The following DPY19L3 variants were observed in gnomAD, a reference collection of about 807,000 sequenced individuals.
DPY19L3 encodes the protein dpy-19 like C-mannosyltransferase 3.
In DPY19L3, 51 loss-of-function variants were observed where a neutral mutation model predicts 92.3. The observed-to-expected ratio is 0.55, with a 90% CI of 0.44 to 0.70. The LOEUF is 0.70. DPY19L3 is among the 30% of genes least tolerant of loss of function. The pLI, the probability that DPY19L3 is intolerant of heterozygous loss-of-function variation, is 0.00. For missense variants in DPY19L3, 706 were observed against 855.9 expected, an observed-to-expected ratio of 0.82 and a Z score of 2.18; for synonymous variants, 309 against 315.2, an observed-to-expected ratio of 0.98 and a Z score of 0.21.
intron 17 of DPY19L3, among the ~76,000 whole-genome samples, chr19:32,479,860 A>G (rs1449995351): frequency 1.3e-5 from 2 of 152,116 alleles, no homozygotes; most frequent in African/African-American, 2.4e-5. Flanking sequence ...GGGTCTCTCA[A>G]TTAGCTGAGA....
chr19:32,480,577 C>T lies in DPY19L3; in HGVS notation c.1989+20C>T, dbSNP rs200493373. ...GGCCACGTGAGCATGCTGCCTCTCC[C>T]TGTGTGGGGGTCTCCTGGAGGGGCG... On this transcript the variant is annotated intron_variant, in intron 18 of 18. Coordinates refer to ENST00000392250, the MANE Select transcript of DPY19L3 (RefSeq NM_001172774.2). The T allele has an allele frequency of 1.4e-5, 22 of 1,607,122 alleles. No homozygotes were observed. In the South Asian group the frequency reaches 2.4e-4, roughly 18 times the overall value.
intron 4 of DPY19L3, among the ~76,000 whole-genome samples, chr19:32,435,074 T>C (rs1969094473): frequency 6.6e-6 from 1 of 152,212 alleles, no homozygotes; most frequent in African/African-American, 2.4e-5. Context: ...GCTGTTAGGA[T>C]TGGTTTCTAT....
Position 32,439,913 on chromosome 19 carries a change from G to A in DPY19L3, c.855+3G>A. 6.2e-7 allele frequency: 1 copy of A among 1,611,656 alleles called. No homozygotes were observed. Among genetic ancestry groups the A allele is most frequent in the African/African-American group, 1.3e-5 (1 of 74,922 alleles). ...TGGACATGCTGCCAGCAGTGAAGGT[G>A]AGCTTTGCTTTCTTTTCTCACTTGA... On this transcript the variant is annotated splice_donor_region_variant and intron_variant, in intron 8 of 18. Coordinates refer to ENST00000392250, the MANE Select transcript of DPY19L3 (RefSeq NM_001172774.2).
At chr19:32,423,474 A>T (rs527683859) in intron 3 of DPY19L3, among the ~76,000 whole-genome samples, 3 of 138,510 alleles carry the variant, frequency 2.2e-5, no homozygotes, top group African/African-American at 8.1e-5. Context: ...GAGACATGCC[A>T]GGCTGGTCTC....
intron 2 of DPY19L3, among the ~76,000 whole-genome samples, chr19:32,410,511 G>C (rs1187947871): frequency 6.6e-6 from 1 of 152,186 alleles, no homozygotes; most frequent in African/African-American, 2.4e-5. Flanking sequence ...AGGTGCAGTG[G>C]CTCATGCCCG....
chr19:32,461,055 AG>A (rs1970025899), intron 12 of DPY19L3, among the ~76,000 whole-genome samples: 1 of 152,102 alleles, frequency 6.6e-6, no homozygotes, highest in Non-Finnish European at 1.5e-5. Context: ...TAGTAGAAAC[AG>A]GGTTTCACCA....
intron 8 of DPY19L3, among the ~76,000 whole-genome samples, chr19:32,450,370 A>G (rs1053333381): frequency 3.9e-5 from 6 of 152,306 alleles, no homozygotes; most frequent in East Asian, 1.9e-4. Flanking sequence ...TGATTTAGCA[A>G]TCCCACTCCT....
chr19:32,441,573 C>T (rs1969326371), intron 8 of DPY19L3, among the ~76,000 whole-genome samples: 1 of 149,386 alleles, frequency 6.7e-6, no homozygotes, highest in Non-Finnish European at 1.5e-5. Flanking sequence ...TCTTGGCTCA[C>T]TACAACCTCC....
chr19:32,434,032 GT>G (rs1969055858), intron 4 of DPY19L3, among the ~76,000 whole-genome samples: 1 of 152,172 alleles, frequency 6.6e-6, no homozygotes, highest in Non-Finnish European at 1.5e-5. Flanking sequence ...CTACCTTGCA[GT>G]ACAGTTTATA....
At chr19:32,413,737 G>A (rs573314275) in intron 3 of DPY19L3, among the ~76,000 whole-genome samples, 1 of 151,936 alleles carries the variant, frequency 6.6e-6, no homozygotes, top group East Asian at 1.9e-4. Context: ...GGAGGAGCGG[G>A]GGCGGGCAGG....
rs779627292 is a variant in DPY19L3 at position 32,436,560 on chromosome 19, C to T, written c.443C>T (p.Pro148Leu). 2 of 1,523,984 alleles carry T rather than the reference C, an allele frequency of 1.3e-6. No homozygotes were observed. The highest frequency in any genetic ancestry group is 2.8e-5 in the African/African-American group (2 of 71,674). 94.4% of individuals were successfully genotyped at this position (1,523,984 alleles called of 1,614,324 possible). A position where few individuals can be genotyped will look rare whatever the true frequency, so the allele number is the denominator to read the frequency against. ...VFLSILYRVL[P>L]IQKYLEPVYF... is the part of the protein sequence containing the mutation. ...CTCAGTATTTTATATAGAGTTCTAC[C>T]CATACAGGTATGTTTTGTGATATTG... Residue 148 changes from proline to leucine, a missense_variant, in exon 5 of 19, where the codon CCC (proline) becomes CTC (leucine). By Grantham distance (98) the Pro-to-Leu change is moderately conservative. Coordinates refer to ENST00000392250, the MANE Select transcript of DPY19L3 (RefSeq NM_001172774.2).
intron 4 of DPY19L3, among the ~76,000 whole-genome samples, chr19:32,433,288 A>G (rs1373701127): frequency 2.0e-5 from 3 of 152,158 alleles, no homozygotes; most frequent in African/African-American, 4.8e-5. Context: ...GAAAGCCCCA[A>G]CATGGATCTC....
At chr19:32,468,370 A>C (rs1234575721) in intron 15 of DPY19L3, 1 of 1,014,396 alleles carries the variant, frequency 9.9e-7, no homozygotes, top group African/African-American at 1.7e-5. Flanking sequence ...ACATATTCCT[A>C]ACGGATTGTG....
intron 6 of DPY19L3, among the ~76,000 whole-genome samples, chr19:32,437,704 T>C (rs2145494285): frequency 6.6e-6 from 1 of 152,290 alleles, no homozygotes; most frequent in Middle Eastern, 3.4e-3. Flanking sequence ...TACATAGTGA[T>C]ATTTCAATAC....
intron 3 of DPY19L3, among the ~76,000 whole-genome samples, chr19:32,431,245 G>A (rs1401099506): frequency 6.6e-6 from 1 of 152,098 alleles, no homozygotes; most frequent in African/African-American, 2.4e-5. Flanking sequence ...CGGGCATGGT[G>A]CACATGCCTG....
Position 32,464,642 on chromosome 19 carries a change from G to A in DPY19L3, c.1558-86G>A, listed in dbSNP as rs1599663466. The stretch of plus-strand genomic sequence containing the variant: ...ACTTGAGCCCAAGAATTCCAGGCCA[G>A]CCTAGGCAAACATAGCAAGACCCTG... On this transcript the variant is annotated intron_variant, in intron 14 of 18. Coordinates refer to ENST00000392250, the MANE Select transcript of DPY19L3 (RefSeq NM_001172774.2). The A allele has an allele frequency of 2.6e-5, 21 of 811,074 alleles. No individual in the cohort carries two copies. The South Asian group carries it at 3.2e-4, about 12-fold the overall frequency. 50.2% of individuals were successfully genotyped at this position (811,074 alleles called of 1,614,324 possible). A position where few individuals can be genotyped will look rare whatever the true frequency, so the allele number is the denominator to read the frequency against.
intron 8 of DPY19L3, 30 bp downstream of exon 8, chr19:32,439,940 A>T (rs1435507957): frequency 6.2e-7 from 1 of 1,608,324 alleles, no homozygotes; most frequent in African/African-American, 1.3e-5. Context: ...CTCACTTGAG[A>T]TTTTGGCCAT....
chr19:32,466,607 C>G (rs1355081800), intron 15 of DPY19L3, among the ~76,000 whole-genome samples: 3 of 152,176 alleles, frequency 2.0e-5, no homozygotes, highest in Non-Finnish European at 2.9e-5. Context: ...CACAATGTCT[C>G]CCCTTACTCA....
At chr19:32,450,143 C>T (rs905613514) in intron 8 of DPY19L3, among the ~76,000 whole-genome samples, 6 of 152,166 alleles carry the variant, frequency 3.9e-5, no homozygotes, top group South Asian at 2.1e-4. Context: ...AGATGCTCAG[C>T]GTCATTAGCT....
Sources: gnomAD v4.1 joint callset for allele counts (sites outside exome capture counted in the v4.1 genomes callset) on GRCh38, gnomAD v4.1.1 for gene constraint, MANE v1.5 for transcripts, NCBI Gene and HGNC (gene_info 2026-07-23, HGNC 2026-07-21) for gene names.